Variants in NRG3 observed in about 807,000 individuals in gnomAD.
NRG3 encodes neuregulin 3, also known as pro-neuregulin-3, membrane-bound isoform.
Under a neutral mutation model 66.9 loss-of-function variants are expected in NRG3, and 31 were observed. The ratio of observed to expected loss-of-function variants is 0.46; its 90% CI spans 0.35 to 0.63. The LOEUF is 0.63. NRG3 is among the 20% of genes least tolerant of loss of function. NRG3 has a pLI of 0.00. For missense variants in NRG3, 910 were observed against 878.9 expected, an observed-to-expected ratio of 1.04 and a Z score of -0.45; for synonymous variants, 393 against 359.4, an observed-to-expected ratio of 1.09 and a Z score of -1.06.
At chr10:82,544,747 C>T (rs1213246911) in intron 2 of NRG3, among the ~76,000 whole-genome samples, 1 of 152,166 alleles carries the variant, frequency 6.6e-6, no homozygotes, top group East Asian at 1.9e-4. Context: ...ATCTAATTTA[C>T]TACCCACAGA....
At chr10:82,376,627 C>A (rs567815585) in intron 2 of NRG3, among the ~76,000 whole-genome samples, 1 of 152,284 alleles carries the variant, frequency 6.6e-6, no homozygotes, top group African/African-American at 2.4e-5. Flanking sequence ...CCCCAAGCAC[C>A]AATGCTACCA....
intron 6 of NRG3, among the ~76,000 whole-genome samples, chr10:82,963,983 G>A (rs940768892): frequency 3.9e-5 from 6 of 152,202 alleles, no homozygotes; most frequent in South Asian, 2.1e-4. Context: ...TAGGTCAGAA[G>A]AGGTAATTTT....
intron 1 of NRG3, among the ~76,000 whole-genome samples, chr10:81,943,444 T>C (rs1848569671): frequency 1.3e-5 from 2 of 152,178 alleles, no homozygotes; most frequent in Admixed American, 1.3e-4. Flanking sequence ...TCCCCCTTAC[T>C]AATCTTGTGG....
At chr10:81,998,067 T>C (rs185080279) in intron 1 of NRG3, among the ~76,000 whole-genome samples, 1 of 152,310 alleles carries the variant, frequency 6.6e-6, no homozygotes, top group Non-Finnish European at 1.5e-5. Flanking sequence ...AACTTCTGGC[T>C]TCCTTCCCTG....
At chr10:82,669,424 A>AT (rs899620931) in intron 2 of NRG3, among the ~76,000 whole-genome samples, 2 of 152,006 alleles carry the variant, frequency 1.3e-5, no homozygotes, top group African/African-American at 4.8e-5. Context: ...TTAGTACTTT[A>AT]TTTTCCTGGT....
chr10:82,987,012 A>G lies in NRG3; in HGVS notation c.*1407A>G, dbSNP rs1417737598. On this transcript the variant is annotated 3_prime_UTR_variant, in exon 9 of 9. Coordinates refer to ENST00000372141, the MANE Select transcript of NRG3 (RefSeq NM_001010848.4). The stretch of plus-strand genomic sequence containing the variant: ...TAAAGCAATATTTTTACCACTGCTA[A>G]GGTGAACTGAAACCTCTCCTGAAGA... 3 of 152,226 alleles carry G rather than the reference A, an allele frequency of 2.0e-5. No individual in the cohort carries two copies. The East Asian group carries it at 5.8e-4, about 29-fold the overall frequency. The allele number at this position is 152,226 out of a possible 1,614,324, so 9.4% of individuals were successfully genotyped here.
intron 2 of NRG3, among the ~76,000 whole-genome samples, chr10:82,429,316 G>T (rs2089648419): frequency 6.6e-6 from 1 of 151,858 alleles, no homozygotes; most frequent in Non-Finnish European, 1.5e-5. Context: ...TCTTCTTGTG[G>T]ATTTGACTTC....
chr10:81,887,421 C>T (rs1455639895), intron 1 of NRG3, among the ~76,000 whole-genome samples: 1 of 151,972 alleles, frequency 6.6e-6, no homozygotes, highest in Non-Finnish European at 1.5e-5. Context: ...AAGTTATATA[C>T]ACATATTAAT....
At chr10:82,968,106 T>C (rs1262208682) in intron 6 of NRG3, among the ~76,000 whole-genome samples, 1 of 152,240 alleles carries the variant, frequency 6.6e-6, no homozygotes, top group Non-Finnish European at 1.5e-5. Context: ...TTCAGTTTGT[T>C]CATTTATTTT....
At chr10:82,258,665 A>G (rs567631629) in intron 1 of NRG3, among the ~76,000 whole-genome samples, 1 of 152,242 alleles carries the variant, frequency 6.6e-6, no homozygotes, top group Non-Finnish European at 1.5e-5. Context: ...GAGTGCCAGC[A>G]TTCAAACAGG....
At chr10:82,702,377 T>C (rs2055952116) in intron 2 of NRG3, among the ~76,000 whole-genome samples, 2 of 152,204 alleles carry the variant, frequency 1.3e-5, no homozygotes, top group African/African-American at 4.8e-5. Flanking sequence ...CAACTCAATT[T>C]AAAATTTGGA....
intron 2 of NRG3, among the ~76,000 whole-genome samples, chr10:82,626,252 C>A (rs1252777272): frequency 6.6e-6 from 1 of 152,102 alleles, no homozygotes; most frequent in East Asian, 1.9e-4. Context: ...GCTTGATGGG[C>A]TTTAGCAGGT....
At chr10:82,746,150 C>A (rs1257919899) in intron 3 of NRG3, among the ~76,000 whole-genome samples, 1 of 152,152 alleles carries the variant, frequency 6.6e-6, no homozygotes, top group Non-Finnish European at 1.5e-5. Flanking sequence ...TCTCAGTCTC[C>A]CAAAGTGCTG....
intron 2 of NRG3, among the ~76,000 whole-genome samples, chr10:82,409,822 G>A (rs2087916894): frequency 6.6e-6 from 1 of 152,116 alleles, no homozygotes; most frequent in Non-Finnish European, 1.5e-5. Flanking sequence ...CATATAAGAT[G>A]GTTTACTCAG....
At chr10:82,412,262 C>T (rs1039200758) in intron 2 of NRG3, among the ~76,000 whole-genome samples, 6 of 152,090 alleles carry the variant, frequency 3.9e-5, no homozygotes, top group South Asian at 2.1e-4. Flanking sequence ...ACATTGGGAA[C>T]GTTGTGGTTT....
chr10:82,199,893 T>C (rs80056644), intron 1 of NRG3, among the ~76,000 whole-genome samples: 55 of 22,404 alleles, frequency 2.5e-3, no homozygotes, highest in South Asian at 3.4e-3. Context: ...TGTGTGCGTG[T>C]GTGTGTGTGT....
intron 2 of NRG3, among the ~76,000 whole-genome samples, chr10:82,593,865 T>C (rs941006105): frequency 6.6e-6 from 1 of 151,926 alleles, no homozygotes; most frequent in Non-Finnish European, 1.5e-5. Flanking sequence ...TAGTTCTTTG[T>C]TTATTTTTAG....
At chr10:82,260,735 G>A (rs2077980932) in intron 1 of NRG3, among the ~76,000 whole-genome samples, 1 of 152,094 alleles carries the variant, frequency 6.6e-6, no homozygotes, top group Non-Finnish European at 1.5e-5. Context: ...GGTAGTCTAA[G>A]CTGAGCTGGG....
In NRG3 at chr10:82,619,357, T is replaced by G. The variant is rs1016353980; in HGVS notation, c.954-119220T>G. On this transcript the variant is annotated intron_variant, in intron 2 of 8. Transcript: ENST00000372141. ...ACAAGGCTTGATAAAGAACTAAGAC[T>G]CTAACCCATACATTCTGCAGCAAGA... Among the ~76,000 whole-genome samples the G allele has an allele frequency of 2.6e-5, 4 of 152,256 alleles. No individual in the cohort carries two copies. In the East Asian group the frequency reaches 7.7e-4, roughly 29 times the overall value.
Sources: gnomAD v4.1 joint callset for allele counts (sites outside exome capture counted in the v4.1 genomes callset) on GRCh38, gnomAD v4.1.1 for gene constraint, MANE v1.5 for transcripts, NCBI Gene and HGNC (gene_info 2026-07-23, HGNC 2026-07-21) for gene names.